Variants in NAV3 observed in about 807,000 individuals in gnomAD.
NAV3 encodes pore membrane and/or filament interacting like protein 1.
A neutral mutation model predicts 244.7 loss-of-function variants in NAV3; 87 were observed. The observed-to-expected ratio is 0.36, with a 90% CI of 0.30 to 0.42. NAV3 has a LOEUF of 0.42. NAV3 is among the 20% of genes least tolerant of loss of function. NAV3 has a pLI of 1.00. For missense variants in NAV3, 2,663 were observed against 2,893.3 expected (o/e 0.92, Z 1.83); for synonymous variants, 1,126 against 1,042.2 (o/e 1.08, Z -1.55).
At chr12:77,840,116 A>G (rs1357865024) in intron 1 of NAV3, among the ~76,000 whole-genome samples, 1 of 151,994 alleles carries the variant, frequency 6.6e-6, no homozygotes, top group Admixed American at 6.6e-5. Flanking sequence ...GATTTAGTCA[A>G]GTAAATATGG....
At chr12:77,739,809 A>G (rs1868293773) in intron 2 of NAV3, among the ~76,000 whole-genome samples, 1 of 152,212 alleles carries the variant, frequency 6.6e-6, no homozygotes, top group Non-Finnish European at 1.5e-5. Context: ...ATGATGGAAA[A>G]TTCAGATCCA....
At chr12:78,035,039 T>G (rs1259015028) in intron 9 of NAV3, among the ~76,000 whole-genome samples, 1 of 152,182 alleles carries the variant, frequency 6.6e-6, no homozygotes, top group Admixed American at 6.5e-5. Flanking sequence ...CCTTTTCATA[T>G]CTATAAAATG....
chr12:78,125,283 T>C (rs1463087448), intron 16 of NAV3, among the ~76,000 whole-genome samples: 2 of 152,258 alleles, frequency 1.3e-5, no homozygotes, highest in Non-Finnish European at 2.9e-5. Flanking sequence ...CCTGTTTGTC[T>C]ACAATTTTAG....
At position 77,832,458 on chromosome 12, in the gene NAV3, T is replaced by C. The variant is rs571038763; in HGVS notation, c.243+754T>C. On this transcript the variant is annotated intron_variant, in intron 1 of 39. Transcript: ENST00000397909. ...CTTGATAAGCGTCACTTTTGTTTTG[T>C]GCATTTTTACTTTTATTGGTACATA... Among the ~76,000 whole-genome samples the C allele has an allele frequency of 2.6e-5, 4 of 152,308 alleles. No individual in the cohort carries two copies. The East Asian group carries it at 7.7e-4, about 29-fold the overall frequency.
At chr12:77,778,578 C>G (rs1444150828) in intron 2 of NAV3, among the ~76,000 whole-genome samples, 10 of 148,356 alleles carry the variant, frequency 6.7e-5, no homozygotes, top group Non-Finnish European at 1.5e-4. Context: ...CGCCACTGCA[C>G]TCCAGCCTGG....
chr12:78,053,510 G>T (rs970740294), intron 11 of NAV3, among the ~76,000 whole-genome samples: 2 of 151,930 alleles, frequency 1.3e-5, no homozygotes, highest in Non-Finnish European at 2.9e-5. Context: ...ATTCATTCAC[G>T]TGGAACTCCC....
At chr12:77,973,169 A>AT (rs1189121169) in intron 5 of NAV3, among the ~76,000 whole-genome samples, 3 of 152,096 alleles carry the variant, frequency 2.0e-5, no homozygotes, top group Non-Finnish European at 4.4e-5. Context: ...TTATTAAATG[A>AT]TTTTCCTTCC....
chr12:77,605,546 T>C (rs2136790850), intron 2 of NAV3, among the ~76,000 whole-genome samples: 1 of 152,294 alleles, frequency 6.6e-6, no homozygotes, highest in Admixed American at 6.5e-5. Context: ...AACCTGTTAT[T>C]TTGCTCTTTA....
At chr12:77,873,079 C>A (rs1881226886) in intron 1 of NAV3, among the ~76,000 whole-genome samples, 4 of 152,176 alleles carry the variant, frequency 2.6e-5, no homozygotes, top group Admixed American at 2.6e-4. Context: ...CATTTCCCAA[C>A]ACACATGCTC....
In NAV3 at chr12:78,210,739, G is replaced by A. The variant is rs947203682; in HGVS notation, c.*222G>A. On this transcript the variant is annotated 3_prime_UTR_variant, in exon 40 of 40. Coordinates refer to ENST00000397909, the MANE Select transcript of NAV3 (RefSeq NM_001024383.2). ...ATTTCTAAGCATTTTTTATATCTGT[G>A]GAGTAATAGAAAGCTCCATTACTCA... 2.1e-5 allele frequency: 11 copies of A among 533,236 alleles called. No homozygotes were observed. The highest frequency in any genetic ancestry group is 3.0e-5 in the Non-Finnish European group (9 of 302,328). The allele number at this position is 533,236 out of a possible 1,614,324, so 33.0% of individuals were successfully genotyped here. A position where few individuals can be genotyped will look rare whatever the true frequency, so the allele number is the denominator to read the frequency against.
rs572637827 is a variant in NAV3, at chr12:77,946,239, A to G, written c.414+5106A>G. Reference sequence around the variant, plus strand: ...CATATATGTGTAAATATATGTGCGTATGTGTGTGTGTGTGTGTGTGCGCGT... The same window carrying G: ...CATATATGTGTAAATATATGTGCGTGTGTGTGTGTGTGTGTGTGTGCGCGT... On this transcript the variant is annotated intron_variant, in intron 3 of 39. Coordinates refer to ENST00000397909, the MANE Select transcript of NAV3 (RefSeq NM_001024383.2). 3.2e-3 allele frequency among the ~76,000 whole-genome samples: 360 copies of G among 112,656 alleles called. 6 individuals are homozygous for G. Among genetic ancestry groups the G allele is most frequent in the African/African-American group, 9.1e-3 (316 of 34,862 alleles). 73.9% of individuals were successfully genotyped at this position (112,656 alleles called of 152,430 possible).
intron 2 of NAV3, among the ~76,000 whole-genome samples, chr12:77,737,778 A>G (rs748418505): frequency 6.6e-6 from 1 of 152,198 alleles, no homozygotes; most frequent in Admixed American, 6.5e-5. Context: ...TCCACCATGT[A>G]AGAATTCAAC....
chr12:77,595,968 G>T (rs984547200), intron 2 of NAV3, among the ~76,000 whole-genome samples: 13 of 152,128 alleles, frequency 8.5e-5, no homozygotes, highest in South Asian at 2.1e-4. Context: ...TGTTAAGTAG[G>T]AAGACAATTA....
intron 2 of NAV3, among the ~76,000 whole-genome samples, chr12:77,733,812 A>G (rs1877220759): frequency 6.6e-6 from 1 of 150,608 alleles, no homozygotes; most frequent in Admixed American, 6.7e-5. Flanking sequence ...ATAATTAGCA[A>G]GCCCTAATTG....
At position 78,179,579 on chromosome 12, in the gene NAV3, G is replaced by A. The variant is rs773202122; in HGVS notation, c.5414G>A (p.Ser1805Asn). Reference sequence around the variant, plus strand: ...GCAGAGATAATTCTGCAGCTGAAGAGCGAGCTCAGAGAAAAGGAATTAAAA... The same window carrying A: ...GCAGAGATAATTCTGCAGCTGAAGAACGAGCTCAGAGAAAAGGAATTAAAA... ...AEAEIILQLK[S>N]ELREKELKLT... The change falls in exon 29 of 40, where the codon AGC (serine) becomes AAC (asparagine). Residue 1805 changes from serine to asparagine, a missense_variant. Physicochemically the swap from Ser to Asn is conservative, Grantham distance 46. Coordinates refer to ENST00000397909, the MANE Select transcript of NAV3 (RefSeq NM_001024383.2). 3.1e-6 allele frequency: 5 copies of A among 1,613,226 alleles called. No homozygotes were observed. Among genetic ancestry groups the A allele is most frequent in the African/African-American group, 1.3e-5 (1 of 74,880 alleles).
chr12:77,724,357 A>G (rs572687438), intron 2 of NAV3, among the ~76,000 whole-genome samples: 2 of 152,134 alleles, frequency 1.3e-5, no homozygotes, highest in South Asian at 2.1e-4. Flanking sequence ...AAGATGTTCA[A>G]TTCTAGAAGG....
intron 8 of NAV3, 91 bp downstream of exon 8, chr12:78,007,536 T>C: frequency 7.4e-7 from 1 of 1,349,656 alleles, no homozygotes. Flanking sequence ...AAGTGGTGCT[T>C]TATGTCGTCA....
At chr12:77,581,997 T>C (rs1391051973) in intron 2 of NAV3, among the ~76,000 whole-genome samples, 2 of 152,200 alleles carry the variant, frequency 1.3e-5, no homozygotes, top group African/African-American at 4.8e-5. Flanking sequence ...CACTTTTCCT[T>C]GCATTTTCTT....
At chr12:77,652,936 C>A (rs1296392445) in intron 2 of NAV3, among the ~76,000 whole-genome samples, 4 of 152,118 alleles carry the variant, frequency 2.6e-5, no homozygotes, top group Middle Eastern at 3.2e-3. Flanking sequence ...TGATTTTATA[C>A]AGGGAATTTA....
Sources: gnomAD v4.1 joint callset for allele counts (sites outside exome capture counted in the v4.1 genomes callset) on GRCh38, gnomAD v4.1.1 for gene constraint, MANE v1.5 for transcripts, NCBI Gene and HGNC (gene_info 2026-07-23, HGNC 2026-07-21) for gene names.